The following PPP6R3 variants were observed in gnomAD, a reference collection of about 807,000 sequenced individuals.
PPP6R3 encodes protein phosphatase 6 regulatory subunit 3.
In PPP6R3, 38 loss-of-function variants were observed where a neutral mutation model predicts 110.7. The ratio of observed to expected loss-of-function variants is 0.34; its 90% CI spans 0.26 to 0.45. PPP6R3 has a LOEUF of 0.45. PPP6R3 is among the 20% of genes least tolerant of loss of function. The pLI is 1.00. For missense variants in PPP6R3, 870 were observed against 1,062.4 expected (o/e 0.82, Z 2.52); for synonymous variants, 369 against 373.5 (o/e 0.99, Z 0.14).
rs754212252 is a variant in PPP6R3 at position 68,566,523 on chromosome 11, G to A, written c.976-491G>A. 4.4e-4 allele frequency among the ~76,000 whole-genome samples: 67 copies of A among 152,070 alleles called. 1 individual carries two copies. Among genetic ancestry groups the A allele is most frequent in the Middle Eastern group, 6.8e-3 (2 of 294 alleles). ...CTACAGGTGTGCATCACCATGCCTG[G>A]CTAATTTTTGTATTTTTTGTAGAGA... On this transcript the variant is annotated intron_variant, in intron 9 of 23. Coordinates refer to ENST00000393800, the MANE Select transcript of PPP6R3 (RefSeq NM_001164161.2).
intron 12 of PPP6R3, among the ~76,000 whole-genome samples, chr11:68,571,527 GA>G (rs1355638737): frequency 1.3e-5 from 2 of 152,224 alleles, no homozygotes; most frequent in Non-Finnish European, 2.9e-5. Flanking sequence ...GGACCTAGAG[GA>G]AAAAAATTGC....
chr11:68,476,297 C>G (rs1306859036), intron 1 of PPP6R3, among the ~76,000 whole-genome samples: 1 of 152,110 alleles, frequency 6.6e-6, no homozygotes, highest in African/African-American at 2.4e-5. Flanking sequence ...CCCGTCTCCA[C>G]CAAAAAAATA....
rs1043173441 is a variant in PPP6R3, at chr11:68,574,037, G to A, written c.1344-72G>A. 2.9e-5 allele frequency: 31 copies of A among 1,051,572 alleles called. No homozygotes were observed. The Admixed American group carries it at 3.0e-4, about 10-fold the overall frequency. The allele number at this position is 1,051,572 out of a possible 1,614,324, so 65.1% of individuals were successfully genotyped here. The stretch of plus-strand genomic sequence containing the variant: ...GTTTAAAATGATTGTTTAAAAGTCC[G>A]CAGTATTTACCGAGTGTTTCATCAC... On this transcript the variant is annotated intron_variant, in intron 12 of 23. Transcript: ENST00000393800.
chr11:68,560,751 T>G (rs1338991541), intron 8 of PPP6R3, among the ~76,000 whole-genome samples: 1 of 152,196 alleles, frequency 6.6e-6, no homozygotes, highest in African/African-American at 2.4e-5. Context: ...TTTGTTCCTC[T>G]GTATCTGCTG....
At chr11:68,526,592 A>G (rs2099199669) in intron 2 of PPP6R3, among the ~76,000 whole-genome samples, 1 of 151,344 alleles carries the variant, frequency 6.6e-6, no homozygotes, top group Non-Finnish European at 1.5e-5. Flanking sequence ...ACACACCCTC[A>G]CCTCCAGCAT....
At chr11:68,471,282 C>CAAAAA (rs34619002) in intron 1 of PPP6R3, among the ~76,000 whole-genome samples, 1 of 57,258 alleles carries the variant, frequency 1.7e-5, no homozygotes, top group African/African-American at 5.4e-5. Context: ...GATTCTGTCT[C>CAAAAA]AAAAAAAAAA....
At chr11:68,601,749 C>G (rs1393208358) in intron 20 of PPP6R3, 114 bp from the exon 21 acceptor site, 2 of 796,024 alleles carry the variant, frequency 2.5e-6, no homozygotes, top group Non-Finnish European at 4.1e-6. Flanking sequence ...GTGACTCTTA[C>G]ACAGATGCTA....
intron 2 of PPP6R3, among the ~76,000 whole-genome samples, chr11:68,523,178 C>T (rs1205132758): frequency 6.6e-6 from 1 of 152,120 alleles, no homozygotes; most frequent in Non-Finnish European, 1.5e-5. Flanking sequence ...ACAAAATTTG[C>T]AAAATTCTCT....
chr11:68,578,480 T>G (rs2099540567), intron 14 of PPP6R3, among the ~76,000 whole-genome samples: 1 of 152,238 alleles, frequency 6.6e-6, no homozygotes, highest in South Asian at 2.1e-4. Flanking sequence ...CTTCCTTGAT[T>G]TTAGAATAGC....
chr11:68,477,738 AAAAATATATATAT>A (rs1457956843), intron 1 of PPP6R3, among the ~76,000 whole-genome samples: 9 of 88,498 alleles, frequency 1.0e-4, no homozygotes, highest in Middle Eastern at 5.2e-3. Flanking sequence ...TAAAAAAAAA[AAAAATATATATAT>A]ATATATATAT....
At chr11:68,473,085 C>G (rs1383250596) in intron 1 of PPP6R3, among the ~76,000 whole-genome samples, 2 of 152,152 alleles carry the variant, frequency 1.3e-5, no homozygotes, top group Non-Finnish European at 2.9e-5. Context: ...TTTGGACTTT[C>G]CAAAATGATA....
intron 2 of PPP6R3, among the ~76,000 whole-genome samples, chr11:68,522,164 T>C (rs2099167326): frequency 1.3e-5 from 2 of 152,252 alleles, no homozygotes; most frequent in Admixed American, 1.3e-4. Flanking sequence ...AATTATAGTT[T>C]AGGCGATAGC....
At chr11:68,547,249 C>A (rs2099352861) in intron 4 of PPP6R3, among the ~76,000 whole-genome samples, 1 of 152,040 alleles carries the variant, frequency 6.6e-6, no homozygotes, top group African/African-American at 2.4e-5. Flanking sequence ...AGTTATCCAA[C>A]CCCCCACGCC....
At chr11:68,591,772 A>G in intron 18 of PPP6R3, 66 bp downstream of exon 18, 1 of 1,507,418 alleles carries the variant, frequency 6.6e-7, no homozygotes, top group Non-Finnish European at 8.9e-7. Flanking sequence ...ATCATGAGAC[A>G]TACATTGTGT....
At position 68,614,744 on chromosome 11, in the gene PPP6R3, C is replaced by T. The variant is rs567415428; in HGVS notation, c.*1627C>T. 367 of 1,534,972 alleles carry T rather than the reference C, an allele frequency of 2.4e-4. No homozygotes were observed. Among genetic ancestry groups the T allele is most frequent in the Non-Finnish European group, 3.1e-4 (348 of 1,137,152 alleles). On this transcript the variant is annotated 3_prime_UTR_variant, in exon 24 of 24. Coordinates refer to ENST00000393800, the MANE Select transcript of PPP6R3 (RefSeq NM_001164161.2). ...ACGCCTCCTCAGGAACCCCCTTTCC[C>T]GGGTGAGCCCCTCTCTGAAGAGACT...
At chr11:68,579,693 TGTTTC>T (rs969357461) in intron 14 of PPP6R3, among the ~76,000 whole-genome samples, 14 of 152,248 alleles carry the variant, frequency 9.2e-5, no homozygotes, top group Non-Finnish European at 1.5e-4. Flanking sequence ...CACTGCATAA[TGTTTC>T]GGTCAGCAAT....
intron 1 of PPP6R3, among the ~76,000 whole-genome samples, chr11:68,486,176 TCA>T (rs754602796): frequency 3.3e-5 from 5 of 152,294 alleles, no homozygotes; most frequent in Non-Finnish European, 5.9e-5. Context: ...ATGTATTGAT[TCA>T]GTTTTCCCAT....
intron 8 of PPP6R3, among the ~76,000 whole-genome samples, chr11:68,561,647 A>C (rs1474812983): frequency 6.6e-6 from 1 of 152,236 alleles, no homozygotes; most frequent in Non-Finnish European, 1.5e-5. Context: ...AGATCTGATC[A>C]CATCAGATCA....
At chr11:68,542,399 T>TGTTTTTTTTTTTTG (rs1565717453) in intron 3 of PPP6R3, among the ~76,000 whole-genome samples, 3 of 109,366 alleles carry the variant, frequency 2.7e-5, no homozygotes, top group Admixed American at 9.3e-5. Flanking sequence ...GTTTTTTTTT[T>TGTTTTTTTTTTTTG]TTTTTTTTTT....
Sources: allele counts gnomAD v4.1 joint callset (sites outside exome capture counted in the v4.1 genomes callset), GRCh38; gene constraint gnomAD v4.1.1; transcripts MANE v1.5; gene names NCBI Gene and HGNC (gene_info 2026-07-23, HGNC 2026-07-21).